The following RASA2 variants were observed in gnomAD, a reference collection of about 807,000 sequenced individuals.
RASA2 encodes ras GTPase-activating protein 2.
Under a neutral mutation model 118.2 loss-of-function variants are expected in RASA2, and 155 were observed. The observed-to-expected ratio is 1.31, with a 90% confidence interval of 1.15 to 1.50. The LOEUF is 1.50. Ranked by LOEUF, RASA2 falls within the 40% of genes most tolerant of loss-of-function variation. The pLI is 0.00. For synonymous variants in RASA2, 353 were observed against 349.1 expected (o/e 1.01, Z -0.12); for missense variants, 1,016 against 1,009.6 (o/e 1.01, Z -0.09).
At chr3:141,583,685 A>G (rs2083153114) in intron 17 of RASA2, among the ~76,000 whole-genome samples, 1 of 152,172 alleles carries the variant, frequency 6.6e-6, no homozygotes, top group South Asian at 2.1e-4. Context: ...AGAAGTAAAC[A>G]TTCCATTTCA....
chr3:141,600,801 A>G (rs1002783188), intron 19 of RASA2, among the ~76,000 whole-genome samples: 6 of 152,358 alleles, frequency 3.9e-5, no homozygotes, highest in African/African-American at 1.2e-4. Context: ...AAAAATGGAC[A>G]AGTTGATTCC....
rs140020590 is a variant in RASA2, at chr3:141,590,434, A to G, written c.1933+3682A>G. On this transcript the variant is annotated intron_variant, in intron 19 of 23. Coordinates refer to ENST00000286364, the MANE Select transcript of RASA2 (RefSeq NM_006506.5). ...TATTCCCATCCCATCACCCACCTCT[A>G]TTTTTTACAGTAGTGTCCTATAAGT... 7.3e-3 allele frequency among the ~76,000 whole-genome samples: 1,115 copies of G among 152,222 alleles called. 15 individuals are homozygous for G. Among genetic ancestry groups the G allele is most frequent in the African/African-American group, 0.025 (1,046 of 41,544 alleles).
At chr3:141,503,509 G>A (rs537157936) in intron 1 of RASA2, among the ~76,000 whole-genome samples, 9 of 151,990 alleles carry the variant, frequency 5.9e-5, no homozygotes, top group South Asian at 2.1e-4. Context: ...TTTATCTTTC[G>A]CGCTTTAAAC....
rs762371713 is a variant in RASA2 at position 141,609,407 on chromosome 3, A to G, written c.2226-13A>G. 4.1e-6 allele frequency: 6 copies of G among 1,446,302 alleles called. No homozygotes were observed. The highest frequency in any genetic ancestry group is 2.2e-4 in the Middle Eastern group (1 of 4,446). 89.6% of individuals were successfully genotyped at this position (1,446,302 alleles called of 1,614,324 possible). On this transcript the variant is annotated splice_polypyrimidine_tract_variant and intron_variant, in intron 21 of 23. Transcript: ENST00000286364. The stretch of plus-strand genomic sequence containing the variant: ...ATTTGTATAATATCTTTATTTTTTT[A>G]TTTTTACCATAGAGGTGTCCCTGCA...
intron 3 of RASA2, among the ~76,000 whole-genome samples, chr3:141,520,702 AC>A (rs2151087693): frequency 6.6e-6 from 1 of 152,300 alleles, no homozygotes; most frequent in African/African-American, 2.4e-5. Context: ...AGATATATAT[AC>A]ACACACAGTT....
chr3:141,573,581 A>G (rs1376861417), intron 13 of RASA2, among the ~76,000 whole-genome samples: 1 of 152,188 alleles, frequency 6.6e-6, no homozygotes, highest in Non-Finnish European at 1.5e-5. Flanking sequence ...TGAAAAAACA[A>G]TGATTGTGTT....
intron 9 of RASA2, among the ~76,000 whole-genome samples, chr3:141,563,986 C>A (rs1214495471): frequency 7.9e-6 from 1 of 127,076 alleles, no homozygotes; most frequent in African/African-American, 2.9e-5. Flanking sequence ...TTTTTTTTTT[C>A]AAGTAGACAT....
At chr3:141,564,294 G>T (rs1005649075) in intron 9 of RASA2, among the ~76,000 whole-genome samples, 1 of 151,690 alleles carries the variant, frequency 6.6e-6, no homozygotes, top group South Asian at 2.1e-4. Flanking sequence ...CAAAATTTCT[G>T]TAGTAAAAAC....
rs1274347796 is a variant in RASA2 at position 141,570,993 on chromosome 3, T to A, written c.945T>A (p.Tyr315Ter). 6.2e-7 allele frequency: 1 copy of A among 1,612,590 alleles called. No individual in the cohort carries two copies. The highest frequency in any genetic ancestry group is 1.1e-5 in the South Asian group (1 of 90,832). The change falls in exon 10 of 24, where the codon TAT becomes TAA. Residue 315 changes from tyrosine (Y) to a stop codon, truncating the protein, a stop_gained. Transcript: ENST00000286364. LOFTEE classifies it high-confidence loss of function. ...GGTCTCTTCGATTAAATATATGTTA[T>A]ACAGAAGACTACGTGCTTCCTTCAG... The part of the protein sequence containing the change: ...DLGSLRLNIC[Y>*]TEDYVLPSEY...
chr3:141,581,310 T>A, intron 17 of RASA2, 133 bp downstream of exon 17: 1 of 696,232 alleles, frequency 1.4e-6, no homozygotes, highest in Non-Finnish European at 2.0e-6. Context: ...AAAGGCTTCC[T>A]TTTTCTTTTT....
intron 9 of RASA2, among the ~76,000 whole-genome samples, chr3:141,567,248 T>C (rs892465756): frequency 1.3e-5 from 2 of 151,902 alleles, no homozygotes; most frequent in African/African-American, 4.8e-5. Context: ...AAACCCTGTC[T>C]CTACTAAAAA....
At chr3:141,603,844 G>A (rs1367887404) in intron 19 of RASA2, among the ~76,000 whole-genome samples, 1 of 152,146 alleles carries the variant, frequency 6.6e-6, no homozygotes, top group Non-Finnish European at 1.5e-5. Context: ...ATCATATGTA[G>A]CCTTTTGTGA....
chr3:141,502,440 C>A (rs1467572365), intron 1 of RASA2, among the ~76,000 whole-genome samples: 1 of 152,122 alleles, frequency 6.6e-6, no homozygotes, highest in East Asian at 1.9e-4. Context: ...TTGATACTAG[C>A]TGTCCTTTAT....
intron 5 of RASA2, among the ~76,000 whole-genome samples, chr3:141,549,484 CGTGTGTGT>C (rs56036122): frequency 1.0e-4 from 15 of 145,212 alleles, no homozygotes; most frequent in African/African-American, 2.8e-4. Context: ...TGTGTGTGTG[CGTGTGTGT>C]GTGTGTGTGT....
chr3:141,519,489 T>A (rs1473765352), intron 3 of RASA2, among the ~76,000 whole-genome samples: 1 of 152,200 alleles, frequency 6.6e-6, no homozygotes. Flanking sequence ...TTTTTAGATA[T>A]GTTAACTTTT....
intron 19 of RASA2, among the ~76,000 whole-genome samples, chr3:141,599,641 T>G (rs2083432878): frequency 6.6e-6 from 1 of 152,092 alleles, no homozygotes; most frequent in Non-Finnish European, 1.5e-5. Context: ...GTTGTCAACT[T>G]AAACAGCAGC....
chr3:141,567,946 AGAG>A (rs2082848372), intron 9 of RASA2, among the ~76,000 whole-genome samples: 1 of 152,238 alleles, frequency 6.6e-6, no homozygotes, highest in African/African-American at 2.4e-5. Flanking sequence ...GGACTGAGAG[AGAG>A]AATTTCCCAG....
intron 1 of RASA2, among the ~76,000 whole-genome samples, chr3:141,492,911 A>G (rs1473216570): frequency 6.6e-6 from 1 of 152,196 alleles, no homozygotes; most frequent in African/African-American, 2.4e-5. Flanking sequence ...TGTGAATCGG[A>G]TGAAAGATCC....
rs997539322 is a variant in RASA2, at chr3:141,613,896, C to A, written c.*1583C>A. The A allele has an allele frequency of 2.6e-5, 4 of 152,108 alleles. No homozygotes were observed. Among genetic ancestry groups the A allele is most frequent in the Non-Finnish European group, 1.5e-5 (1 of 68,012 alleles). The allele number at this position is 152,108 out of a possible 1,614,324, so 9.4% of individuals were successfully genotyped here. A position where few individuals can be genotyped will look rare whatever the true frequency, so the allele number is the denominator to read the frequency against. On this transcript the variant is annotated 3_prime_UTR_variant, in exon 24 of 24. Coordinates refer to ENST00000286364, the MANE Select transcript of RASA2 (RefSeq NM_006506.5). ...CTGCATTATGGTAGGTTATTACTCC[C>A]AGCTCATTTTAAAGACAAGTTTGAA...
Sources: gnomAD v4.1 joint callset for allele counts (sites outside exome capture counted in the v4.1 genomes callset) on GRCh38, gnomAD v4.1.1 for gene constraint, MANE v1.5 for transcripts, NCBI Gene and HGNC (gene_info 2026-07-23, HGNC 2026-07-21) for gene names.